The following STAT5A variants were observed in gnomAD, a reference collection of about 807,000 sequenced individuals.
STAT5A encodes the protein epididymis secretory sperm binding protein.
A neutral mutation model predicts 100.2 loss-of-function variants in STAT5A; 26 were observed. The observed-to-expected ratio is 0.26, with a 90% CI of 0.19 to 0.36. STAT5A has a LOEUF of 0.36. STAT5A is among the 10% of genes least tolerant of loss of function. The pLI is 1.00. For missense variants in STAT5A, 634 were observed against 1,027.5 expected, an observed-to-expected ratio of 0.62 and a Z score of 5.24; for synonymous variants, 330 against 424.3, an observed-to-expected ratio of 0.78 and a Z score of 2.73.
intron 3 of STAT5A, among the ~76,000 whole-genome samples, chr17:42,290,542 C>T (rs563763546): frequency 6.6e-6 from 1 of 152,106 alleles, no homozygotes; most frequent in African/African-American, 2.4e-5. Flanking sequence ...TGATGACAGT[C>T]AAGCACTTAT....
At position 42,300,814 on chromosome 17, in the gene STAT5A, G is replaced by C. The variant is rs757647502; in HGVS notation, c.933G>C (p.Glu311Asp). 1.2e-5 allele frequency: 19 copies of C among 1,612,416 alleles called. 1 individual carries two copies. In the South Asian group the frequency reaches 2.1e-4, roughly 18 times the overall value. Residue 311 changes from glutamate (E) to aspartate (D), a missense_variant, in exon 8 of 19, where the codon GAG becomes GAC. Around this residue, in one of 5 missense-constraint regions of STAT5A, gnomAD observed 98 missense variants for 149.7 expected, o/e 0.65. Coordinates refer to ENST00000590949, the MANE Select transcript of STAT5A (RefSeq NM_001288718.2). ...QQLPIPGPVE[E>D]MLAEVNATIT... is the part of the protein sequence containing the mutation. ...TGCCCATCCCCGGCCCAGTGGAGGA[G>C]ATGCTGGCCGAGGTCAACGCCACCA...
Position 42,310,740 on chromosome 17 carries a change from G to A in STAT5A, c.*71G>A, listed in dbSNP as rs1013254730. On this transcript the variant is annotated 3_prime_UTR_variant, in exon 19 of 19. Transcript: ENST00000590949. ...AGCGGTCGTGTTGTGAGTTTAGTAA[G>A]GCTGTGTACACTGACACCTTTGCAG... 1.0e-5 allele frequency: 16 copies of A among 1,599,842 alleles called. No individual in the cohort carries two copies. In the African/African-American group the frequency reaches 2.0e-4, roughly 20 times the overall value.
chr17:42,288,774 G>A lies in STAT5A; in HGVS notation c.-11+176G>A, dbSNP rs3744481. ...GGGACGGGGGGACGTGGGGACAGGG[G>A]TCGGGGATGAAAGGCAGAGGCCAGG... On this transcript the variant is annotated intron_variant, in intron 1 of 18. Transcript: ENST00000590949. The surrounding 1 kb of genome is among the most constrained non-coding windows in gnomAD (Gnocchi z 4.8). 7.5e-4 allele frequency among the ~76,000 whole-genome samples: 115 copies of A among 152,328 alleles called. 4 individuals carry two copies. In the East Asian group the frequency reaches 0.022, roughly 29 times the overall value.
At chr17:42,291,506 C>T (rs1298511255) in intron 3 of STAT5A, among the ~76,000 whole-genome samples, 1 of 152,010 alleles carries the variant, frequency 6.6e-6, no homozygotes, top group Non-Finnish European at 1.5e-5. Context: ...CACCTGAGGT[C>T]GGGAGTTCGA....
chr17:42,304,207 A>G lies in STAT5A; in HGVS notation c.1170-135A>G, dbSNP rs951244208. 5.1e-6 allele frequency: 4 copies of G among 783,326 alleles called. No individual in the cohort carries two copies. The highest frequency in any genetic ancestry group is 8.2e-6 in the Non-Finnish European group (4 of 489,372). The allele number at this position is 783,326 out of a possible 1,614,324, so 48.5% of individuals were successfully genotyped here. On this transcript the variant is annotated intron_variant, in intron 9 of 18. Transcript: ENST00000590949. The surrounding 1 kb of genome is among the most constrained non-coding windows in gnomAD (Gnocchi z 4.8). ...GTCAGTAACCCAGAAAGACGCCAAG[A>G]AACACTCTTAGGGGATACGGGGCAG...
intron 11 of STAT5A, 142 bp from the exon 12 acceptor site, chr17:42,305,468 C>T (rs973405722): frequency 7.7e-6 from 5 of 649,714 alleles, no homozygotes; most frequent in African/African-American, 3.7e-5. Flanking sequence ...CACCATTGCA[C>T]TCCAGCCTGG....
chr17:42,307,817 G>C lies in STAT5A; in HGVS notation c.1906+94G>C. The C allele has an allele frequency of 2.0e-6, 3 of 1,535,620 alleles. 1 individual carries two copies. The highest frequency in any genetic ancestry group is 1.8e-4 in the Middle Eastern group (1 of 5,610). ...ACCCTCCATCGGGCCTGTGTCCTTA[G>C]AAGGTACCCAGCGGGAAGCTTAGTA... On this transcript the variant is annotated intron_variant, in intron 15 of 18. Transcript: ENST00000590949.
chr17:42,305,524 AAAAT>A (rs1448163073), intron 11 of STAT5A, 82 bp from the exon 12 acceptor site: 1 of 1,148,910 alleles, frequency 8.7e-7, no homozygotes, highest in African/African-American at 1.6e-5. Context: ...TACATAAAAA[AAAAT>A]AAAGCAGATT....
intron 3 of STAT5A, 136 bp from the exon 4 acceptor site, chr17:42,291,836 T>G: frequency 1.3e-6 from 1 of 748,118 alleles, no homozygotes; most frequent in Non-Finnish European, 2.2e-6. Flanking sequence ...GATATAGAGG[T>G]GTCTGGGGAT....
At chr17:42,306,532 C>G in intron 13 of STAT5A, 85 bp downstream of exon 13, 3 of 1,541,912 alleles carry the variant, frequency 1.9e-6, no homozygotes, top group South Asian at 2.4e-5. Context: ...CTGCCTGGGG[C>G]TAGCACCCCA....
At chr17:42,289,757 CT>C in intron 2 of STAT5A, 108 bp from the exon 3 acceptor site, 1 of 1,422,816 alleles carries the variant, frequency 7.0e-7, no homozygotes, top group African/African-American at 1.4e-5. Flanking sequence ...CTTGTGGGCC[CT>C]GGAGTGCCCT....
upstream of STAT5A, chr17:42,287,638 A>G (rs948938847): frequency 5.2e-5 from 8 of 152,420 alleles, no homozygotes; most frequent in African/African-American, 1.7e-4. Context: ...TTCTGAAGGT[A>G]GAACCAGCCT....
At position 42,295,663 on chromosome 17, in the gene STAT5A, G is replaced by A; in HGVS notation, c.420G>A (p.Lys140=). Residue 140 remains lysine, a synonymous_variant, in exon 5 of 19, where the codon AAG becomes AAA. Transcript: ENST00000590949. The part of the protein sequence containing the change: ...AGILVDAMSQ[K]HLQINQTFEE... ...TCCTGGTTGACGCCATGTCCCAGAA[G>A]CACCTTCAGATCAACCAGACATTTG... 3.1e-6 allele frequency: 5 copies of A among 1,613,940 alleles called. No individual in the cohort carries two copies. The highest frequency in any genetic ancestry group is 4.2e-6 in the Non-Finnish European group (5 of 1,179,944).
intron 5 of STAT5A, 62 bp downstream of exon 5, chr17:42,295,855 C>T (rs2080913947): frequency 1.9e-6 from 3 of 1,583,752 alleles, no homozygotes; most frequent in East Asian, 2.3e-5. Context: ...TCTATGGACT[C>T]CTAGAGGGTA....
intron 9 of STAT5A, among the ~76,000 whole-genome samples, chr17:42,303,115 G>T (rs779014820): frequency 2.0e-5 from 3 of 152,136 alleles, no homozygotes; most frequent in Non-Finnish European, 4.4e-5. Context: ...GCATGGTGGT[G>T]GAAGCCTGTA....
chr17:42,306,465 C>A lies in STAT5A; in HGVS notation c.1680+18C>A. 1 of 1,601,194 alleles carries A rather than the reference C, an allele frequency of 6.2e-7. No homozygotes were observed. The highest frequency in any genetic ancestry group is 8.5e-7 in the Non-Finnish European group (1 of 1,173,970). Reference sequence around the variant, plus strand: ...TCAACAGGGTGAGGGGCCCAGCTGCCAGCCGCCCACCAGGGCCCACCGGGG... The same window carrying A: ...TCAACAGGGTGAGGGGCCCAGCTGCAAGCCGCCCACCAGGGCCCACCGGGG... On this transcript the variant is annotated intron_variant, in intron 13 of 18. Transcript: ENST00000590949.
At chr17:42,309,591 C>A in intron 18 of STAT5A, 107 bp downstream of exon 18, 4 of 1,171,936 alleles carry the variant, frequency 3.4e-6, no homozygotes, top group Non-Finnish European at 4.9e-6. Flanking sequence ...TGGTTAGGCC[C>A]AAGTCCAGGA....
chr17:42,291,913 T>C (rs1212875069), intron 3 of STAT5A, 59 bp from the exon 4 acceptor site: 2 of 1,586,968 alleles, frequency 1.3e-6, no homozygotes, highest in Admixed American at 1.7e-5. Context: ...GGGCATAGCA[T>C]GGGGCTGGCA....
chr17:42,307,415 G>C lies in STAT5A; in HGVS notation c.1694G>C (p.Gly565Ala). Residue 565 changes from glycine to alanine, a missense_variant, in exon 14 of 19, where the codon GGC (glycine) becomes GCC (alanine). By Grantham distance (60) the Gly-to-Ala change is moderately conservative. Around this residue, in one of 5 missense-constraint regions of STAT5A, gnomAD observed 210 missense variants for 428.4 expected, o/e 0.49. Coordinates refer to ENST00000590949, the MANE Select transcript of STAT5A (RefSeq NM_001288718.2). Reference sequence around the variant, plus strand: ...CTGGGCCCTCAGGAGAACTTGCCGGGCTGGAACTACACCTTCTGGCAGTGG... The same window carrying C: ...CTGGGCCCTCAGGAGAACTTGCCGGCCTGGAACTACACCTTCTGGCAGTGG... The part of the protein sequence containing the change: ...WSQFNRENLP[G>A]WNYTFWQWFD... 1 of 1,613,958 alleles carries C rather than the reference G, an allele frequency of 6.2e-7. No individual in the cohort carries two copies. The highest frequency in any genetic ancestry group is 8.5e-7 in the Non-Finnish European group (1 of 1,179,922).
Sources: gnomAD v4.1 joint callset for allele counts (sites outside exome capture counted in the v4.1 genomes callset) on GRCh38, gnomAD v4.1.1 for gene constraint, gnomAD v4.1.1 regional missense constraint, Gnocchi (gnomAD v3.1) non-coding constraint, MANE v1.5 for transcripts, NCBI Gene and HGNC (gene_info 2026-07-23, HGNC 2026-07-21) for gene names.